STAG1: variants seen among roughly 807,000 people sequenced by gnomAD.
STAG1 encodes cohesin subunit SA-1.
STAG1 carries 26 observed loss-of-function variants against 170.9 expected under a neutral mutation model. That is an observed-to-expected ratio of 0.15 (90% CI 0.11 to 0.21). The LOEUF is 0.21. STAG1 is among the 10% of genes least tolerant of loss of function. The pLI is 1.00. For missense variants in STAG1, 964 were observed against 1,509.5 expected (o/e 0.64, Z 5.99); for synonymous variants, 514 against 497.7 (o/e 1.03, Z -0.44).
intron 1 of STAG1, among the ~76,000 whole-genome samples, chr3:136,731,245 CAA>C (rs549921712): frequency 7.1e-6 from 1 of 140,668 alleles, no homozygotes; most frequent in African/African-American, 2.6e-5. Flanking sequence ...AACTTTACTA[CAA>C]AAAAAAAAAG....
chr3:136,500,272 C>T lies in STAG1; in HGVS notation c.853G>A (p.Glu285Lys). ...TTAAAAATAGAGTTCATCATATTTT[C>T]GATTTCATCCTGATTTTCTTGCAGC... ...KELQENQDEI[E>K]NMMNSIFKGI... Residue 285 changes from glutamate (E) to lysine (K), a missense_variant, in exon 9 of 34, where the codon GAA becomes AAA. Around this residue, in one of 11 missense-constraint regions of STAG1, gnomAD observed 57 missense variants for 157.6 expected, o/e 0.36. Coordinates refer to ENST00000383202, the MANE Select transcript of STAG1 (RefSeq NM_005862.3). 1 of 1,584,662 alleles carries T rather than the reference C, an allele frequency of 6.3e-7. No individual in the cohort carries two copies. The highest frequency in any genetic ancestry group is 8.6e-7 in the Non-Finnish European group (1 of 1,159,922).
At chr3:136,377,814 G>GA (rs1424742451) in intron 22 of STAG1, 62 bp from the exon 23 acceptor site, 1 of 1,384,490 alleles carries the variant, frequency 7.2e-7, no homozygotes, top group Non-Finnish European at 1.0e-6. Flanking sequence ...TGATCTAGAA[G>GA]AAACAGTAAG....
At chr3:136,516,079 G>T (rs180920608) in intron 7 of STAG1, among the ~76,000 whole-genome samples, 75 of 152,162 alleles carry the variant, frequency 4.9e-4, no homozygotes, top group Non-Finnish European at 3.2e-4. Context: ...ATACTACATG[G>T]TCTATTCTTT....
chr3:136,744,567 T>C (rs1934837889), intron 1 of STAG1, among the ~76,000 whole-genome samples: 1 of 152,164 alleles, frequency 6.6e-6, no homozygotes, highest in Non-Finnish European at 1.5e-5. Context: ...TTTCTTCTCA[T>C]GGCTCTACTT....
At chr3:136,590,161 C>T (rs950467627) in intron 4 of STAG1, among the ~76,000 whole-genome samples, 2 of 150,476 alleles carry the variant, frequency 1.3e-5, no homozygotes, top group African/African-American at 4.9e-5. Context: ...CTCTGAGAAA[C>T]AGAAGACAAT....
chr3:136,477,541 C>T lies in STAG1; in HGVS notation c.903-129G>A, dbSNP rs921330646. On this transcript the variant is annotated intron_variant, in intron 9 of 33. Transcript: ENST00000383202. ...TATTTGCATTCTGAATGGCCTCCAA[C>T]TTAAGTATCTTCTGTTTTTCATGTT... is the stretch of plus-strand genomic sequence containing the variant. The T allele has an allele frequency of 1.3e-5, 9 of 703,374 alleles. No individual in the cohort carries two copies. The African/African-American group carries it at 1.6e-4, about 13-fold the overall frequency. The allele number at this position is 703,374 out of a possible 1,614,324, so 43.6% of individuals were successfully genotyped here.
At chr3:136,606,916 T>C (rs1056023058) in intron 3 of STAG1, among the ~76,000 whole-genome samples, 7 of 151,636 alleles carry the variant, frequency 4.6e-5, no homozygotes, top group African/African-American at 1.7e-4. Flanking sequence ...CCCGGCTAAC[T>C]TTTTTTTGTA....
chr3:136,597,214 T>C (rs908048474), intron 4 of STAG1, among the ~76,000 whole-genome samples: 2 of 152,224 alleles, frequency 1.3e-5, no homozygotes, highest in African/African-American at 4.8e-5. Context: ...ATATGCCTTT[T>C]ATAAACATGT....
intron 1 of STAG1, among the ~76,000 whole-genome samples, chr3:136,649,016 C>T (rs1941125380): frequency 6.6e-6 from 1 of 152,192 alleles, no homozygotes; most frequent in African/African-American, 2.4e-5. Context: ...GGGTCCTCCC[C>T]GGTCTCACCT....
intron 4 of STAG1, among the ~76,000 whole-genome samples, chr3:136,590,320 C>CA (rs1378897289): frequency 1.3e-5 from 2 of 149,838 alleles, no homozygotes; most frequent in East Asian, 2.0e-4. Flanking sequence ...CCGTCTCTAC[C>CA]AAAAAAAATA....
At chr3:136,582,071 A>C (rs1471403480) in intron 4 of STAG1, among the ~76,000 whole-genome samples, 3 of 152,254 alleles carry the variant, frequency 2.0e-5, no homozygotes, top group Admixed American at 2.0e-4. Flanking sequence ...TAATTTGTTA[A>C]ATCATCTTAG....
chr3:136,720,249 C>T (rs1202827777), intron 1 of STAG1, among the ~76,000 whole-genome samples: 1 of 151,644 alleles, frequency 6.6e-6, no homozygotes, highest in African/African-American at 2.4e-5. Flanking sequence ...GATAAACCAT[C>T]TGTGTGGAAT....
intron 3 of STAG1, among the ~76,000 whole-genome samples, chr3:136,614,429 T>G (rs1025017653): frequency 1.3e-5 from 2 of 152,154 alleles, no homozygotes; most frequent in Non-Finnish European, 2.9e-5. Flanking sequence ...ATAGTGATTT[T>G]AAAATATTTT....
At position 136,702,107 on chromosome 3, in the gene STAG1, GAGAGAGAGAGAGAGAC is replaced by G. The variant is rs1354372015; in HGVS notation, c.-84+50072_-84+50087del. Among the ~76,000 whole-genome samples the G allele has an allele frequency of 9.8e-3, 819 of 83,930 alleles. 3 individuals carry two copies. The highest frequency in any genetic ancestry group is 0.024 in the Middle Eastern group (4 of 166). 55.1% of individuals were successfully genotyped at this position (83,930 alleles called of 152,430 possible). ...AGAGAGAGAGAGAGAGAGAGAGAGA[GAGAGAGAGAGAGAGAC>G]AGAGAGACAGAGAGACAGAGAGACA... is the stretch of plus-strand genomic sequence containing the variant. On this transcript the variant is annotated intron_variant, in intron 1 of 33. Transcript: ENST00000383202.
chr3:136,587,541 C>CAAAAAA (rs747339467), intron 4 of STAG1, among the ~76,000 whole-genome samples: 4 of 60,768 alleles, frequency 6.6e-5, no homozygotes, highest in Non-Finnish European at 8.9e-5. Flanking sequence ...AACTCCATCT[C>CAAAAAA]AAAAAAAAAA....
At chr3:136,401,151 T>C (rs1007826758) in intron 21 of STAG1, among the ~76,000 whole-genome samples, 2 of 152,280 alleles carry the variant, frequency 1.3e-5, no homozygotes, top group African/African-American at 2.4e-5. Context: ...ATTGTAAAAA[T>C]AGTTTTGACT....
chr3:136,577,263 T>C (rs551862336), intron 4 of STAG1, among the ~76,000 whole-genome samples: 17 of 152,320 alleles, frequency 1.1e-4, no homozygotes, highest in African/African-American at 4.1e-4. Flanking sequence ...AGAACTTCCA[T>C]GAAGAATCCT....
At chr3:136,380,367 G>C (rs1417767846) in intron 22 of STAG1, among the ~76,000 whole-genome samples, 1 of 151,812 alleles carries the variant, frequency 6.6e-6, no homozygotes, top group Non-Finnish European at 1.5e-5. Flanking sequence ...TCAGCCTCCT[G>C]AGTAGCTGGG....
intron 21 of STAG1, among the ~76,000 whole-genome samples, chr3:136,402,837 A>T (rs928251157): frequency 3.9e-5 from 6 of 152,162 alleles, no homozygotes; most frequent in East Asian, 1.9e-4. Context: ...AAAGAAAAAA[A>T]AATAATAAAT....
Sources: gnomAD v4.1 joint callset for allele counts (sites outside exome capture counted in the v4.1 genomes callset) on GRCh38, gnomAD v4.1.1 for gene constraint, gnomAD v4.1.1 regional missense constraint, MANE v1.5 for transcripts, NCBI Gene and HGNC (gene_info 2026-07-23, HGNC 2026-07-21) for gene names.